SLC8A1: variants seen among roughly 807,000 people sequenced by gnomAD.
SLC8A1 encodes the protein solute carrier family 8 member A1.
SLC8A1 carries 18 observed loss-of-function variants against 68.3 expected under a neutral mutation model. The ratio of observed to expected loss-of-function variants is 0.26; its 90% CI spans 0.18 to 0.39. SLC8A1 has a LOEUF of 0.39. Ranked by LOEUF, SLC8A1 falls within the 10% of genes least tolerant of loss-of-function variation. The probability of loss-of-function intolerance (pLI) is 1.00; values close to 1 mark genes in which losing one functional copy is unlikely to be tolerated. For synonymous variants in SLC8A1, 475 were observed against 415.5 expected, an observed-to-expected ratio of 1.14 and a Z score of -1.74; for missense variants, 985 against 1,156.7, an observed-to-expected ratio of 0.85 and a Z score of 2.15.
intron 2 of SLC8A1, chr2:40,223,712 C>A (rs2058635681): frequency 1.3e-5 from 2 of 151,976 alleles, no homozygotes; most frequent in African/African-American, 4.8e-5. Flanking sequence ...CACAATATCA[C>A]AATACTAGAT....
At chr2:40,506,626 A>G (rs937386423) in intron 1 of SLC8A1, among the ~76,000 whole-genome samples, 3 of 151,954 alleles carry the variant, frequency 2.0e-5, no homozygotes, top group African/African-American at 7.2e-5. Flanking sequence ...TAAAAAATGT[A>G]ATCTATCAGG....
chr2:40,153,088 A>T (rs1210937557), intron 6 of SLC8A1, among the ~76,000 whole-genome samples: 2 of 152,178 alleles, frequency 1.3e-5, no homozygotes, highest in Non-Finnish European at 2.9e-5. Context: ...CTTACATTTT[A>T]AAAAAATATC....
At position 40,212,586 on chromosome 2, in the gene SLC8A1, A is replaced by G. The variant is rs575271724; in HGVS notation, c.1809-34731T>C. Among the ~76,000 whole-genome samples the G allele has an allele frequency of 5.3e-5, 8 of 152,254 alleles. No individual in the cohort carries two copies. The East Asian group carries it at 1.4e-3, about 26-fold the overall frequency. The stretch of plus-strand genomic sequence containing the variant: ...ATGTGAGCCACCATGCCTGGCCGAG[A>G]TGCAATATCTTGAAGGCATCAGGGA... On this transcript the variant is annotated intron_variant, in intron 2 of 7. Coordinates refer to ENST00000406785, the Ensembl canonical transcript of SLC8A1.
At chr2:40,233,247 C>T (rs932107510) in intron 2 of SLC8A1, among the ~76,000 whole-genome samples, 21 of 152,178 alleles carry the variant, frequency 1.4e-4, no homozygotes, top group Non-Finnish European at 2.8e-4. Context: ...TCTCCACATC[C>T]TCTCCAGCTC....
intron 2 of SLC8A1, among the ~76,000 whole-genome samples, chr2:40,231,589 T>C (rs191660720): frequency 2.0e-5 from 3 of 152,256 alleles, no homozygotes; most frequent in Admixed American, 2.0e-4. Context: ...ATGAGTCTAG[T>C]GTTCTCACCT....
intron 2 of SLC8A1, among the ~76,000 whole-genome samples, chr2:40,376,791 T>C: frequency 6.6e-6 from 1 of 152,116 alleles, no homozygotes; most frequent in Admixed American, 6.6e-5. Context: ...ATGTCCTTAA[T>C]GCAGGAGGAG....
At chr2:40,442,510 T>A (rs1232893064) in intron 1 of SLC8A1, among the ~76,000 whole-genome samples, 1 of 151,710 alleles carries the variant, frequency 6.6e-6, no homozygotes, top group Non-Finnish European at 1.5e-5. Flanking sequence ...GAAAAGCTCA[T>A]CATCACTGAT....
chr2:40,396,912 T>C (rs1687170547), intron 2 of SLC8A1, among the ~76,000 whole-genome samples: 1 of 151,966 alleles, frequency 6.6e-6, no homozygotes, highest in Non-Finnish European at 1.5e-5. Context: ...TTCAGGACGG[T>C]GTTAGGGGAG....
intron 5 of SLC8A1, among the ~76,000 whole-genome samples, chr2:40,162,709 A>G (rs1230250712): frequency 6.6e-6 from 1 of 152,124 alleles, no homozygotes; most frequent in African/African-American, 2.4e-5. Context: ...GAACTTGGAC[A>G]CTGTTGTCTG....
In SLC8A1 at chr2:40,434,329, C is replaced by T. The variant is rs141765189; in HGVS notation, c.-24-4025G>A. On this transcript the variant is annotated intron_variant, in intron 1 of 7. Coordinates refer to ENST00000406785, the Ensembl canonical transcript of SLC8A1. ...GGCAATGAAGCAATTGGAAAGAACT[C>T]TCTGGACTTAAATTTCTTTTTCTTA... Among the ~76,000 whole-genome samples, 9 of 152,332 alleles carry T rather than the reference C, an allele frequency of 5.9e-5. No individual in the cohort carries two copies. The East Asian group carries it at 1.5e-3, about 26-fold the overall frequency.
intron 1 of SLC8A1, among the ~76,000 whole-genome samples, chr2:40,485,447 C>T (rs540365936): frequency 2.1e-4 from 32 of 152,186 alleles, no homozygotes; most frequent in East Asian, 5.8e-4. Context: ...TTTTTCCTTC[C>T]GCTATTCTTT....
chr2:40,173,100 A>G (rs1353433623), intron 4 of SLC8A1, among the ~76,000 whole-genome samples: 4 of 152,148 alleles, frequency 2.6e-5, no homozygotes, highest in South Asian at 2.1e-4. Flanking sequence ...TGGATAGTAC[A>G]CTATTTCTAT....
chr2:40,480,121 A>G (rs1035664319), intron 1 of SLC8A1, among the ~76,000 whole-genome samples: 3 of 152,160 alleles, frequency 2.0e-5, no homozygotes, highest in African/African-American at 7.2e-5. Context: ...TGGTGCCAGT[A>G]GAGAGGCCAG....
intron 1 of SLC8A1, among the ~76,000 whole-genome samples, chr2:40,470,095 A>C (rs1176730652): frequency 3.9e-5 from 6 of 151,926 alleles, no homozygotes; most frequent in African/African-American, 1.5e-4. Flanking sequence ...ACTTACGCAC[A>C]CTCTTTCCCT....
chr2:40,334,496 T>C (rs1300766764), intron 2 of SLC8A1, among the ~76,000 whole-genome samples: 1 of 152,180 alleles, frequency 6.6e-6, no homozygotes, highest in African/African-American at 2.4e-5. Flanking sequence ...ATTTGGATAA[T>C]ATATATGTGC....
At chr2:40,335,183 AC>A (rs1257071785) in intron 2 of SLC8A1, among the ~76,000 whole-genome samples, 9 of 152,254 alleles carry the variant, frequency 5.9e-5, no homozygotes, top group African/African-American at 1.9e-4. Flanking sequence ...TTATTTTCCT[AC>A]AATTATCATA....
At chr2:40,411,017 A>G (rs573240957) in intron 2 of SLC8A1, among the ~76,000 whole-genome samples, 2 of 152,158 alleles carry the variant, frequency 1.3e-5, no homozygotes, top group Admixed American at 1.3e-4. Context: ...ATTTTGAAAA[A>G]TAATTAAGTT....
At chr2:40,238,110 CCT>C (rs1291664949) in intron 2 of SLC8A1, among the ~76,000 whole-genome samples, 3 of 152,234 alleles carry the variant, frequency 2.0e-5, no homozygotes, top group Admixed American at 6.5e-5. Context: ...AGGCAGGCCT[CCT>C]TGAGCTGTGG....
chr2:40,202,134 GA>G (rs1176915758), intron 2 of SLC8A1, among the ~76,000 whole-genome samples: 1 of 151,938 alleles, frequency 6.6e-6, no homozygotes, highest in Non-Finnish European at 1.5e-5. Flanking sequence ...AAAGTGCAAG[GA>G]ATGAAAATTA....
Sources: gnomAD v4.1 joint callset for allele counts (sites outside exome capture counted in the v4.1 genomes callset) on GRCh38, gnomAD v4.1.1 for gene constraint, MANE v1.5 for transcripts, NCBI Gene and HGNC (gene_info 2026-07-23, HGNC 2026-07-21) for gene names.